The following HPS4 variants were observed in gnomAD, a reference collection of about 807,000 sequenced individuals.
HPS4 encodes HPS4 biogenesis of lysosomal organelles complex 3 subunit 2.
In HPS4, 44 loss-of-function variants were observed where a neutral mutation model predicts 70.3. That is an observed-to-expected ratio of 0.63 (90% CI 0.49 to 0.80). HPS4 has a LOEUF of 0.80. HPS4 is among the 30% of genes least tolerant of loss of function. HPS4 has a pLI of 0.00. For synonymous variants in HPS4, 377 were observed against 355.9 expected (o/e 1.06, Z -0.67); for missense variants, 873 against 884.4 (o/e 0.99, Z 0.16).
intron 13 of HPS4, 22 bp downstream of exon 13, chr22:26,457,837 G>A: frequency 6.3e-7 from 1 of 1,583,318 alleles, no homozygotes; most frequent in Non-Finnish European, 8.7e-7. Context: ...AGTAGGTTGG[G>A]GAGCGACTCA....
rs5844704 is a variant in HPS4, at chr22:26,469,283, C to CAAA, written c.597-663_597-661dup. ...GCAACATAGTGAGATCCCATCTCTA[C>CAAA]AAAAAAAAAAAAAAAAAAAATCAAA... On this transcript the variant is annotated intron_variant, in intron 7 of 13. Transcript: ENST00000398145. Among the ~76,000 whole-genome samples the CAAA allele has an allele frequency of 1.9e-3, 202 of 105,366 alleles. 5 individuals are homozygous for CAAA. Among genetic ancestry groups the CAAA allele is most frequent in the East Asian group, 0.015 (56 of 3,700 alleles). The allele number at this position is 105,366 out of a possible 152,430, so 69.1% of individuals were successfully genotyped here. A position where few individuals can be genotyped will look rare whatever the true frequency, so the allele number is the denominator to read the frequency against.
intron 11 of HPS4, among the ~76,000 whole-genome samples, chr22:26,458,816 G>A (rs1569034060): frequency 6.8e-6 from 1 of 146,710 alleles, no homozygotes; most frequent in Non-Finnish European, 1.5e-5. Context: ...GTGAGACTCT[G>A]TCTCGAAAAA....
At chr22:26,479,754 G>A in intron 2 of HPS4, 1 of 892,480 alleles carries the variant, frequency 1.1e-6, no homozygotes, top group African/African-American at 1.8e-5. Flanking sequence ...CATAAGTGCT[G>A]AGCACAAAGA....
At position 26,451,204 on chromosome 22, in the gene HPS4, C is replaced by T. The variant is rs2085159564; in HGVS notation, c.*2029G>A. Among the ~76,000 whole-genome samples, 1 of 152,182 alleles carries T rather than the reference C, an allele frequency of 6.6e-6. No individual in the cohort carries two copies. Among genetic ancestry groups the T allele is most frequent in the African/African-American group, 2.4e-5 (1 of 41,430 alleles). On this transcript the variant is annotated 3_prime_UTR_variant, in exon 14 of 14. Transcript: ENST00000398145. Reference sequence around the variant, plus strand: ...AGCAAGAACATGCTGCTTGGCTGTCCGTCGCTTGGCCCGTACTCTGGGGGC... The same window carrying T: ...AGCAAGAACATGCTGCTTGGCTGTCTGTCGCTTGGCCCGTACTCTGGGGGC...
In HPS4 at chr22:26,445,331, C is replaced by T. The variant is rs114763726; in HGVS notation, n.519-637G>A. 5.8e-3 allele frequency among the ~76,000 whole-genome samples: 876 copies of T among 151,808 alleles called. 12 individuals are homozygous for T. The highest frequency in any genetic ancestry group is 0.02 in the African/African-American group (833 of 41,382). ...CCAAGACGACAGAACAAGACCCTGT[C>T]CAAAAAAAAAGACTTGCTAGGCAGA... On this transcript the variant is annotated intron_variant and non_coding_transcript_variant, in intron 3 of 3. Coordinates refer to the HPS4 transcript ENST00000493455.
Position 26,482,033 on chromosome 22 carries a change from GTC to G in HPS4, c.-273_-272del. On this transcript the variant is annotated 5_prime_UTR_variant, in exon 2 of 14. It removes the in-frame stop codon of an upstream open reading frame in the 5' UTR. Coordinates refer to ENST00000398145, the MANE Select transcript of HPS4 (RefSeq NM_022081.6). The stretch of plus-strand genomic sequence containing the variant: ...TATAACAGAGAATCCTAGCAGAAAA[GTC>G]AAATCCATTCCTCTGGTTTCCTAAG... The G allele has an allele frequency of 2.8e-5, 13 of 464,348 alleles. No homozygotes were observed. The allele number at this position is 464,348 out of a possible 1,614,324, so 28.8% of individuals were successfully genotyped here.
chr22:26,481,692 A>C (rs1294824377), intron 2 of HPS4, 30 bp downstream of exon 2: 1 of 1,611,006 alleles, frequency 6.2e-7, no homozygotes, highest in East Asian at 2.2e-5. Flanking sequence ...GCCCAGCAAA[A>C]GCTATGCCAT....
Position 26,472,949 on chromosome 22 carries a change from G to A in HPS4, c.277-10C>T, listed in dbSNP as rs1237793159. The A allele has an allele frequency of 6.2e-7, 1 of 1,612,374 alleles. No homozygotes were observed. Among genetic ancestry groups the A allele is most frequent in the Non-Finnish European group, 8.5e-7 (1 of 1,178,338 alleles). Reference sequence around the variant, plus strand: ...CAGCACAGCCCAGCACCTGTAAAGAGAGAAACCAGGAAGACAAGCATCTTC... The same window carrying A: ...CAGCACAGCCCAGCACCTGTAAAGAAAGAAACCAGGAAGACAAGCATCTTC... On this transcript the variant is annotated splice_polypyrimidine_tract_variant and intron_variant, in intron 4 of 13. Coordinates refer to ENST00000398145, the MANE Select transcript of HPS4 (RefSeq NM_022081.6).
chr22:26,472,539 G>T, intron 5 of HPS4, 121 bp from the exon 6 acceptor site: 1 of 803,012 alleles, frequency 1.2e-6, no homozygotes. Flanking sequence ...GGGAGGACCT[G>T]TTTTAAACCT....
In HPS4 at chr22:26,464,023, A is replaced by G. The variant is rs2146538006; in HGVS notation, c.1607T>C (p.Met536Thr). ...SSRLTPAESC[M>T]GLVRMNLYTH... ...GTAGAGATTCATCCTCACGAGCCCCATGCAGGACTCTGCTGGTGTCAGCCT... is the reference window on the plus strand; with the variant it reads ...GTAGAGATTCATCCTCACGAGCCCCGTGCAGGACTCTGCTGGTGTCAGCCT... The change falls in exon 11 of 14, where the codon ATG becomes ACG. Residue 536 changes from methionine (M) to threonine (T), a missense_variant. Coordinates refer to ENST00000398145, the MANE Select transcript of HPS4 (RefSeq NM_022081.6). 6.2e-7 allele frequency: 1 copy of G among 1,614,230 alleles called. No individual in the cohort carries two copies. The highest frequency in any genetic ancestry group is 8.5e-7 in the Non-Finnish European group (1 of 1,180,034).
chr22:26,468,160 C>T (rs1601956513), intron 8 of HPS4: 6 of 257,014 alleles, frequency 2.3e-5, no homozygotes, highest in South Asian at 1.3e-4. Context: ...ACCTCAGCCA[C>T]CCAAAGTGCT....
intron 6 of HPS4, among the ~76,000 whole-genome samples, chr22:26,471,682 G>C (rs1228573872): frequency 1.3e-5 from 2 of 152,198 alleles, no homozygotes; most frequent in African/African-American, 4.8e-5. Context: ...GCTCTGTGAA[G>C]GCTGAGCCAC....
intron 2 of HPS4, chr22:26,479,817 C>T (rs1371198350): frequency 2.5e-6 from 1 of 398,476 alleles, no homozygotes; most frequent in East Asian, 1.5e-4. Context: ...TAAACATTTA[C>T]TGAGGGCCCA....
chr22:26,445,800 AGAG>A (rs2084934417), intron 3 of HPS4, among the ~76,000 whole-genome samples: 1 of 152,224 alleles, frequency 6.6e-6, no homozygotes. Context: ...GGGTGTGGCC[AGAG>A]AAGCCAGTGG....
chr22:26,471,602 C>T (rs2089817112), intron 6 of HPS4, among the ~76,000 whole-genome samples: 1 of 152,218 alleles, frequency 6.6e-6, no homozygotes, highest in South Asian at 2.1e-4. Flanking sequence ...CTATAAAGCT[C>T]TGGGGCCAGC....
In HPS4 at chr22:26,444,561, C is replaced by A. The variant is rs550029172; in HGVS notation, n.652G>T. 3.9e-5 allele frequency: 6 copies of A among 152,316 alleles called. No individual in the cohort carries two copies. In the East Asian group the frequency reaches 9.6e-4, roughly 24 times the overall value. The allele number at this position is 152,316 out of a possible 1,614,324, so 9.4% of individuals were successfully genotyped here. On this transcript the variant is annotated non_coding_transcript_exon_variant, in exon 4 of 4. Coordinates refer to the HPS4 transcript ENST00000493455. ...TAGCCGGCCAGCCACACTAGAGATGCCTTTTCTGAATAATGTATTATGAGC... is the reference window on the plus strand; with the variant it reads ...TAGCCGGCCAGCCACACTAGAGATGACTTTTCTGAATAATGTATTATGAGC...
chr22:26,477,744 T>C (rs373130558), intron 3 of HPS4, among the ~76,000 whole-genome samples: 3 of 152,100 alleles, frequency 2.0e-5, no homozygotes, highest in Non-Finnish European at 4.4e-5. Flanking sequence ...TTACTACTAA[T>C]GTAAAGGAAA....
Position 26,464,015 on chromosome 22 carries a change from C to CGG in HPS4, c.1614_1615insCC (p.Val539ProfsTer2). The CGG allele has an allele frequency of 6.2e-7, 1 of 1,614,262 alleles. No individual in the cohort carries two copies. The highest frequency in any genetic ancestry group is 8.5e-7 in the Non-Finnish European group (1 of 1,180,050). On this transcript the variant is annotated frameshift_variant, in exon 11 of 14. Coordinates refer to ENST00000398145, the MANE Select transcript of HPS4 (RefSeq NM_022081.6). LOFTEE classifies it high-confidence loss of function. ...CAGTGAGTGTAGAGATTCATCCTCACGAGCCCCATGCAGGACTCTGCTGGT... is the reference window on the plus strand; with the variant it reads ...CAGTGAGTGTAGAGATTCATCCTCACGGGAGCCCCATGCAGGACTCTGCTGGT...
chr22:26,458,776 G>A (rs1028352182), intron 11 of HPS4, among the ~76,000 whole-genome samples, 199 bp from the exon 12 acceptor site: 9 of 149,286 alleles, frequency 6.0e-5, no homozygotes, highest in African/African-American at 1.2e-4. Context: ...AGCCGAGACC[G>A]CACCACCACA....
Sources: allele counts gnomAD v4.1 joint callset (sites outside exome capture counted in the v4.1 genomes callset), GRCh38; gene constraint gnomAD v4.1.1; transcripts MANE v1.5; gene names NCBI Gene and HGNC (gene_info 2026-07-23, HGNC 2026-07-21).